CNTN4: variants seen among roughly 807,000 people sequenced by gnomAD.
The protein encoded by CNTN4 is contactin-4.
Under a neutral mutation model 122.5 loss-of-function variants are expected in CNTN4, and 77 were observed. The observed-to-expected ratio is 0.63, with a 90% CI of 0.52 to 0.76. CNTN4 has a LOEUF of 0.76. Among genes scored for constraint, CNTN4 ranks in the 30% least tolerant of loss-of-function variants. CNTN4 has a pLI of 0.00. For synonymous variants in CNTN4, 512 were observed against 447.0 expected (o/e 1.15, Z -1.83); for missense variants, 1,256 against 1,259.1 (o/e 1.00, Z 0.04).
intron 3 of CNTN4, among the ~76,000 whole-genome samples, chr3:2,475,005 A>G (rs564696326): frequency 1.3e-5 from 2 of 152,284 alleles, no homozygotes; most frequent in South Asian, 4.1e-4. Flanking sequence ...ATTTTCATGT[A>G]AACAGTTTTT....
At chr3:2,983,295 T>C (rs1694233298) in intron 13 of CNTN4, among the ~76,000 whole-genome samples, 1 of 118,878 alleles carries the variant, frequency 8.4e-6, no homozygotes, top group Non-Finnish European at 1.7e-5. Flanking sequence ...AGTAAAGAAC[T>C]ATGAATAAAT....
At chr3:2,424,666 G>A (rs2047748686) in intron 3 of CNTN4, among the ~76,000 whole-genome samples, 4 of 152,138 alleles carry the variant, frequency 2.6e-5, no homozygotes, top group Admixed American at 6.6e-5. Context: ...GGTTGAGCTA[G>A]TTTACAGTCC....
intron 10 of CNTN4, among the ~76,000 whole-genome samples, chr3:2,894,214 T>C (rs555037954): frequency 3.3e-5 from 5 of 152,160 alleles, no homozygotes; most frequent in Admixed American, 3.3e-4. Flanking sequence ...TTGATTGAAG[T>C]ATATGAAGAA....
At chr3:2,329,254 G>A (rs1343149387) in intron 2 of CNTN4, among the ~76,000 whole-genome samples, 1 of 151,986 alleles carries the variant, frequency 6.6e-6, no homozygotes, top group Non-Finnish European at 1.5e-5. Flanking sequence ...ATATTTCATG[G>A]CTGAAATTGT....
chr3:2,707,327 A>C (rs182691653), intron 4 of CNTN4, among the ~76,000 whole-genome samples: 58 of 151,948 alleles, frequency 3.8e-4, no homozygotes, highest in South Asian at 1.2e-3. Flanking sequence ...CCCAAAAAAA[A>C]CAGAAAACTT....
intron 3 of CNTN4, among the ~76,000 whole-genome samples, chr3:2,546,892 T>C (rs968963117): frequency 6.6e-6 from 1 of 152,134 alleles, no homozygotes; most frequent in East Asian, 1.9e-4. Flanking sequence ...GCGGATGTTC[T>C]AGCATGCACA....
chr3:2,481,047 T>TTCTTTCTTTCATTCTG (rs1302724910), intron 3 of CNTN4, among the ~76,000 whole-genome samples: 3 of 143,440 alleles, frequency 2.1e-5, no homozygotes, highest in African/African-American at 8.3e-5. Context: ...CTTTCTTTCT[T>TTCTTTCTTTCATTCTG]TCTTTCTTTC....
intron 4 of CNTN4, among the ~76,000 whole-genome samples, chr3:2,674,997 A>C (rs1255064151): frequency 6.6e-6 from 1 of 152,142 alleles, no homozygotes; most frequent in Non-Finnish European, 1.5e-5. Flanking sequence ...TCTTTCAAAT[A>C]TTTTATGGAT....
rs145695257 is a variant in CNTN4, at chr3:2,175,458, T to A, written c.-145+74819T>A. Among the ~76,000 whole-genome samples the A allele has an allele frequency of 1.4e-3, 211 of 152,362 alleles. 1 individual carries two copies. Among genetic ancestry groups the A allele is most frequent in the African/African-American group, 4.8e-3 (200 of 41,586 alleles). ...CCATTGTTATGACATGCATTTCAAA[T>A]GACCTAACACTGTTTATATTTGTGT... On this transcript the variant is annotated intron_variant, in intron 2 of 24. Transcript: ENST00000418658.
At chr3:2,733,656 C>T (rs1033991340) in intron 4 of CNTN4, among the ~76,000 whole-genome samples, 1 of 151,364 alleles carries the variant, frequency 6.6e-6, no homozygotes, top group African/African-American at 2.4e-5. Flanking sequence ...GCTTCAGCCT[C>T]CCGAGTGGCT....
chr3:2,411,550 T>C (rs1177194068), intron 3 of CNTN4, among the ~76,000 whole-genome samples: 1 of 152,150 alleles, frequency 6.6e-6, no homozygotes, highest in Non-Finnish European at 1.5e-5. Flanking sequence ...TTGGAATGTC[T>C]TTTCATAAGG....
At chr3:2,191,238 A>G (rs560371980) in intron 2 of CNTN4, among the ~76,000 whole-genome samples, 6 of 146,844 alleles carry the variant, frequency 4.1e-5, no homozygotes, top group African/African-American at 9.9e-5. Flanking sequence ...CCAACTTATA[A>G]TGTGTTTTTA....
At chr3:2,336,425 A>G (rs2043957040) in intron 2 of CNTN4, among the ~76,000 whole-genome samples, 1 of 152,150 alleles carries the variant, frequency 6.6e-6, no homozygotes, top group South Asian at 2.1e-4. Context: ...ATTTTTATAT[A>G]TGGAATTTCC....
At chr3:2,911,751 G>T (rs2094302323) in intron 12 of CNTN4, among the ~76,000 whole-genome samples, 1 of 152,008 alleles carries the variant, frequency 6.6e-6, no homozygotes, top group African/African-American at 2.4e-5. Context: ...TGAGCCCAAA[G>T]AAATTCTGGA....
chr3:2,109,695 A>G (rs77025912), intron 2 of CNTN4, among the ~76,000 whole-genome samples: 3,243 of 152,276 alleles, frequency 0.021, 47 homozygotes, highest in Middle Eastern at 0.048. Flanking sequence ...CATTGTCATC[A>G]TTTTAAGTTG....
At chr3:2,347,449 G>A (rs1487302656) in intron 3 of CNTN4, among the ~76,000 whole-genome samples, 4 of 117,304 alleles carry the variant, frequency 3.4e-5, no homozygotes, top group South Asian at 2.7e-4. Flanking sequence ...TCTCGCTGTC[G>A]CCCAGTCTGG....
intron 2 of CNTN4, among the ~76,000 whole-genome samples, chr3:2,323,597 A>T (rs868581638): frequency 6.6e-6 from 1 of 152,136 alleles, no homozygotes; most frequent in African/African-American, 2.4e-5. Context: ...AACACGTAAC[A>T]TGTTTTGAAA....
chr3:2,254,287 T>A (rs1370860995), intron 2 of CNTN4, among the ~76,000 whole-genome samples: 2 of 152,180 alleles, frequency 1.3e-5, no homozygotes, highest in African/African-American at 4.8e-5. Context: ...ATCCAGTCTG[T>A]CATTGATGGG....
At chr3:2,125,328 CTCTG>C (rs1431710687) in intron 2 of CNTN4, among the ~76,000 whole-genome samples, 36 of 69,934 alleles carry the variant, frequency 5.1e-4, no homozygotes, top group African/African-American at 1.6e-3. Flanking sequence ...ACATTCTATT[CTCTG>C]TGTGTGTGTG....
Sources: gnomAD v4.1 joint callset for allele counts (sites outside exome capture counted in the v4.1 genomes callset) on GRCh38, gnomAD v4.1.1 for gene constraint, MANE v1.5 for transcripts, NCBI Gene and HGNC (gene_info 2026-07-23, HGNC 2026-07-21) for gene names.